Variants in NRG3 observed in about 807,000 individuals in gnomAD.
The protein encoded by NRG3 is pro-neuregulin-3, membrane-bound isoform.
Under a neutral mutation model 66.9 loss-of-function variants are expected in NRG3, and 31 were observed. The ratio of observed to expected loss-of-function variants is 0.46; its 90% CI spans 0.35 to 0.63. The LOEUF is 0.63. NRG3 is among the 20% of genes least tolerant of loss of function. NRG3 has a pLI of 0.00. For missense variants in NRG3, 910 were observed against 878.9 expected (o/e 1.04, Z -0.45); for synonymous variants, 393 against 359.4 (o/e 1.09, Z -1.06).
chr10:82,756,010 G>T (rs2059063661), intron 3 of NRG3, among the ~76,000 whole-genome samples: 1 of 151,942 alleles, frequency 6.6e-6, no homozygotes, highest in Admixed American at 6.6e-5. Context: ...CTGATTTACA[G>T]TCTCAGAACT....
intron 2 of NRG3, among the ~76,000 whole-genome samples, chr10:82,502,176 T>G (rs1564997704): frequency 6.6e-6 from 1 of 152,166 alleles, no homozygotes; most frequent in Non-Finnish European, 1.5e-5. Context: ...TTTTTTTGTT[T>G]GTTTTTTTGT....
intron 4 of NRG3, among the ~76,000 whole-genome samples, chr10:82,951,230 G>A (rs564791998): frequency 3.3e-5 from 5 of 152,230 alleles, no homozygotes; most frequent in African/African-American, 1.2e-4. Flanking sequence ...ATCTGTAATC[G>A]CAATATCTGA....
intron 2 of NRG3, among the ~76,000 whole-genome samples, chr10:82,362,333 A>ATGTGTGTGTGTGTG (rs56996997): frequency 2.2e-5 from 3 of 135,954 alleles, no homozygotes; most frequent in South Asian, 2.5e-4. Flanking sequence ...GTATATATAT[A>ATGTGTGTGTGTGTG]TGTGTGTGTG....
chr10:82,346,817 T>G (rs2083058585), intron 1 of NRG3, among the ~76,000 whole-genome samples: 1 of 152,168 alleles, frequency 6.6e-6, no homozygotes, highest in Non-Finnish European at 1.5e-5. Context: ...TCAAGGAATT[T>G]ATCCATTTCT....
intron 1 of NRG3, among the ~76,000 whole-genome samples, chr10:81,983,735 ATGT>A (rs1377272717): frequency 6.6e-6 from 1 of 152,204 alleles, no homozygotes; most frequent in Non-Finnish European, 1.5e-5. Context: ...GGCACCTAAA[ATGT>A]TGTACAGCTC....
At position 82,738,492 on chromosome 10, in the gene NRG3, T is replaced by C; in HGVS notation, c.954-85T>C. ...CATGAATGTACTGTTCTCACATTTA[T>C]GTAATTGATGGCTATTTTACTTGTT... On this transcript the variant is annotated intron_variant, in intron 2 of 8. Coordinates refer to ENST00000372141, the MANE Select transcript of NRG3 (RefSeq NM_001010848.4). The C allele has an allele frequency of 2.9e-6, 3 of 1,041,586 alleles. No homozygotes were observed. In the South Asian group the frequency reaches 3.8e-5, roughly 13 times the overall value. 64.5% of individuals were successfully genotyped at this position (1,041,586 alleles called of 1,614,324 possible).
chr10:82,547,814 G>C (rs896112084), intron 2 of NRG3, among the ~76,000 whole-genome samples: 3 of 151,968 alleles, frequency 2.0e-5, no homozygotes, highest in Admixed American at 1.3e-4. Context: ...TATTTCACAG[G>C]GCACTTGGGA....
chr10:82,526,463 T>C (rs1263562153), intron 2 of NRG3, among the ~76,000 whole-genome samples: 1 of 151,888 alleles, frequency 6.6e-6, no homozygotes, highest in East Asian at 1.9e-4. Context: ...AGATTGAACA[T>C]GTATATTCTG....
intron 6 of NRG3, among the ~76,000 whole-genome samples, chr10:82,972,857 G>C (rs543454336): frequency 6.6e-6 from 1 of 151,590 alleles, no homozygotes; most frequent in Non-Finnish European, 1.5e-5. Context: ...TGGCTTCTTT[G>C]CTTTTGAAAT....
intron 2 of NRG3, among the ~76,000 whole-genome samples, chr10:82,616,128 T>A (rs2133557696): frequency 6.6e-6 from 1 of 152,286 alleles, no homozygotes; most frequent in African/African-American, 2.4e-5. Flanking sequence ...CAACATCTTT[T>A]AAAAATGCAT....
At chr10:82,048,828 A>G (rs896988114) in intron 1 of NRG3, among the ~76,000 whole-genome samples, 4 of 151,538 alleles carry the variant, frequency 2.6e-5, no homozygotes, top group African/African-American at 9.7e-5. Context: ...TTTTGAAAGG[A>G]TCAACAAAAT....
intron 1 of NRG3, among the ~76,000 whole-genome samples, chr10:81,960,114 C>T (rs764304793): frequency 2.0e-5 from 3 of 151,822 alleles, no homozygotes; most frequent in Non-Finnish European, 4.4e-5. Flanking sequence ...GGGATGGTTG[C>T]GGCACATGTT....
intron 1 of NRG3, among the ~76,000 whole-genome samples, chr10:82,011,926 C>T (rs2061595001): frequency 6.6e-6 from 1 of 152,154 alleles, no homozygotes; most frequent in Non-Finnish European, 1.5e-5. Context: ...ACAGTGCAAG[C>T]TGTCGGTGGA....
intron 2 of NRG3, among the ~76,000 whole-genome samples, chr10:82,614,406 C>G (rs577699603): frequency 6.6e-6 from 1 of 152,108 alleles, no homozygotes; most frequent in Non-Finnish European, 1.5e-5. Context: ...AGCTTTATGC[C>G]GCTAGCTCAG....
At chr10:82,898,127 A>G (rs1843839015) in intron 4 of NRG3, among the ~76,000 whole-genome samples, 1 of 152,186 alleles carries the variant, frequency 6.6e-6, no homozygotes, top group Non-Finnish European at 1.5e-5. Flanking sequence ...AATGAGAGAT[A>G]GCAGTTGATA....
intron 1 of NRG3, among the ~76,000 whole-genome samples, chr10:82,251,635 A>AT (rs990776811): frequency 3.3e-5 from 5 of 151,886 alleles, no homozygotes; most frequent in African/African-American, 9.7e-5. Flanking sequence ...TAACACTTTG[A>AT]TTTTTTTTCT....
intron 3 of NRG3, among the ~76,000 whole-genome samples, chr10:82,840,431 A>G: frequency 6.6e-6 from 1 of 152,200 alleles, no homozygotes; most frequent in East Asian, 1.9e-4. Context: ...TTTAAAGTGT[A>G]CTTTTACATC....
At chr10:82,098,753 A>G (rs2066535060) in intron 1 of NRG3, among the ~76,000 whole-genome samples, 2 of 151,986 alleles carry the variant, frequency 1.3e-5, no homozygotes, top group African/African-American at 2.4e-5. Context: ...TTATTTATTT[A>G]GATAGCATCT....
chr10:81,882,435 T>C (rs1478410112), intron 1 of NRG3, among the ~76,000 whole-genome samples: 1 of 152,134 alleles, frequency 6.6e-6, no homozygotes, highest in East Asian at 1.9e-4. Flanking sequence ...GATACATATA[T>C]ATATTTATAA....
Sources: gnomAD v4.1 joint callset for allele counts (sites outside exome capture counted in the v4.1 genomes callset) on GRCh38, gnomAD v4.1.1 for gene constraint, MANE v1.5 for transcripts, NCBI Gene and HGNC (gene_info 2026-07-23, HGNC 2026-07-21) for gene names.